The following CSMD3 variants were observed in gnomAD, a reference collection of about 807,000 sequenced individuals.
The protein encoded by CSMD3 is CUB and sushi domain-containing protein 3.
Under a neutral mutation model 435.2 loss-of-function variants are expected in CSMD3, and 177 were observed. The observed-to-expected ratio is 0.41, with a 90% confidence interval of 0.36 to 0.46. CSMD3 has a LOEUF of 0.46. CSMD3 is among the 20% of genes least tolerant of loss of function. CSMD3 has a pLI of 0.34. For synonymous variants in CSMD3, 1,656 were observed against 1,520.5 expected, an observed-to-expected ratio of 1.09 and a Z score of -2.07; for missense variants, 4,265 against 4,504.6, an observed-to-expected ratio of 0.95 and a Z score of 1.52.
At chr8:113,231,393 G>A (rs2132188604) in intron 3 of CSMD3, among the ~76,000 whole-genome samples, 1 of 151,262 alleles carries the variant, frequency 6.6e-6, no homozygotes, top group South Asian at 2.1e-4. Flanking sequence ...AATAATATAG[G>A]CATAAAGTGC....
At position 112,265,440 on chromosome 8, in the gene CSMD3, G is replaced by A. The variant is rs2130410379; in HGVS notation, c.9659C>T (p.Thr3220Ile). The change falls in exon 60 of 71, where the codon ACA (threonine) becomes ATA (isoleucine). Residue 3220 changes from threonine (T) to isoleucine (I), a missense_variant. By Grantham distance (89) the Thr-to-Ile change is moderately conservative. Around this residue, in one of 3 missense-constraint regions of CSMD3, gnomAD observed 3,255 missense variants for 3,380.2 expected, o/e 0.96. Transcript: ENST00000297405. ...SRIRTCTING[T>I]WSGVMPTCRA... ...ACAAGTTGGCATTACTCCACTCCAT[G>A]TGCCATTAATTGTACAAGTCCTGAT... The A allele has an allele frequency of 1.2e-6, 2 of 1,613,598 alleles. No individual in the cohort carries two copies. The highest frequency in any genetic ancestry group is 1.7e-6 in the Non-Finnish European group (2 of 1,179,586).
chr8:112,554,386 A>T (rs1827940224), intron 25 of CSMD3, among the ~76,000 whole-genome samples: 1 of 152,020 alleles, frequency 6.6e-6, no homozygotes, highest in Non-Finnish European at 1.5e-5. Context: ...ATTAGTATTT[A>T]AGATGTTATC....
intron 1 of CSMD3, among the ~76,000 whole-genome samples, chr8:113,391,720 G>A (rs186621158): frequency 6.6e-6 from 1 of 152,054 alleles, no homozygotes; most frequent in East Asian, 1.9e-4. Context: ...GACAGAACTG[G>A]ATGTGGAGTT....
intron 7 of CSMD3, among the ~76,000 whole-genome samples, chr8:112,975,208 C>G (rs1029424885): frequency 6.6e-6 from 1 of 151,930 alleles, no homozygotes; most frequent in Admixed American, 6.6e-5. Context: ...ATAAATTAGA[C>G]ATTTAAAGAA....
chr8:112,534,958 A>G (rs2131096253), intron 27 of CSMD3, among the ~76,000 whole-genome samples: 1 of 152,306 alleles, frequency 6.6e-6, no homozygotes, highest in South Asian at 2.1e-4. Context: ...GATGCAGAAA[A>G]GGCCTTTGAC....
intron 11 of CSMD3, among the ~76,000 whole-genome samples, chr8:112,836,943 C>T (rs2080043130): frequency 6.6e-6 from 1 of 151,824 alleles, no homozygotes; most frequent in Admixed American, 6.6e-5. Flanking sequence ...ATAGTAATTA[C>T]ATGCTTAAAC....
Position 112,679,784 on chromosome 8 carries a change from G to T in CSMD3, c.2677+2658C>A, listed in dbSNP as rs534084457. On this transcript the variant is annotated intron_variant, in intron 16 of 70. Coordinates refer to ENST00000297405, the MANE Select transcript of CSMD3 (RefSeq NM_198123.2). Reference sequence around the variant, plus strand: ...ACAAAATTCAAACTTACCTAGAAGTGGTCTCTGTATGTGTCGACTGAGATT... The same window carrying T: ...ACAAAATTCAAACTTACCTAGAAGTTGTCTCTGTATGTGTCGACTGAGATT... 8.0e-4 allele frequency among the ~76,000 whole-genome samples: 122 copies of T among 152,262 alleles called. 1 individual carries two copies. Among genetic ancestry groups the T allele is most frequent in the Non-Finnish European group, 9.0e-4 (61 of 68,030 alleles).
At chr8:112,551,049 T>G (rs1156275618) in intron 26 of CSMD3, among the ~76,000 whole-genome samples, 176 bp from the exon 27 acceptor site, 1 of 152,042 alleles carries the variant, frequency 6.6e-6, no homozygotes, top group African/African-American at 2.4e-5. Context: ...ATATAATTTG[T>G]TTTTTTAGAA....
intron 53 of CSMD3, among the ~76,000 whole-genome samples, chr8:112,300,266 GTATAAATA>G (rs938236330): frequency 6.3e-5 from 9 of 141,834 alleles, no homozygotes; most frequent in African/African-American, 2.5e-4. Flanking sequence ...ACTTGAGTAT[GTATAAATA>G]TATATTTCTA....
At chr8:112,572,648 G>T (rs535009157) in intron 24 of CSMD3, among the ~76,000 whole-genome samples, 82 of 152,104 alleles carry the variant, frequency 5.4e-4, no homozygotes, top group African/African-American at 1.9e-3. Flanking sequence ...TCTGAGTATT[G>T]CTACTTATTT....
intron 6 of CSMD3, among the ~76,000 whole-genome samples, chr8:113,011,631 C>T (rs1587881818): frequency 6.6e-6 from 1 of 151,430 alleles, no homozygotes; most frequent in South Asian, 2.1e-4. Flanking sequence ...ATAAACTTTC[C>T]CAGTATTATT....
intron 64 of CSMD3, among the ~76,000 whole-genome samples, 189 bp from the exon 65 acceptor site, chr8:112,244,762 C>T (rs996526827): frequency 1.3e-5 from 2 of 151,972 alleles, no homozygotes; most frequent in African/African-American, 4.8e-5. Context: ...TTTAGCATTT[C>T]CTAATCCACC....
At chr8:113,122,530 A>C (rs542411523) in intron 4 of CSMD3, among the ~76,000 whole-genome samples, 2 of 152,298 alleles carry the variant, frequency 1.3e-5, no homozygotes, top group East Asian at 3.9e-4. Flanking sequence ...GAGATCACCC[A>C]GGAATATTTC....
intron 13 of CSMD3, among the ~76,000 whole-genome samples, chr8:112,706,402 A>AG (rs2076499559): frequency 6.6e-6 from 1 of 152,128 alleles, no homozygotes; most frequent in Non-Finnish European, 1.5e-5. Flanking sequence ...GGGAATATGG[A>AG]GAAAAAAAAT....
At chr8:112,839,849 T>G (rs2080130376) in intron 11 of CSMD3, among the ~76,000 whole-genome samples, 1 of 151,762 alleles carries the variant, frequency 6.6e-6, no homozygotes, top group Admixed American at 6.6e-5. Flanking sequence ...ATTTATATAC[T>G]TTCATATATA....
At chr8:113,248,926 T>C (rs963194484) in intron 3 of CSMD3, among the ~76,000 whole-genome samples, 1 of 152,022 alleles carries the variant, frequency 6.6e-6, no homozygotes, top group Non-Finnish European at 1.5e-5. Flanking sequence ...AAAAATGTTA[T>C]TCATATGATA....
chr8:112,680,644 A>T (rs1207321293), intron 16 of CSMD3, among the ~76,000 whole-genome samples: 3 of 152,164 alleles, frequency 2.0e-5, no homozygotes, highest in Admixed American at 6.5e-5. Flanking sequence ...CACTAAAGTC[A>T]TCTAGTTCTG....
chr8:112,517,147 T>G lies in CSMD3; in HGVS notation c.4643A>C (p.Asp1548Ala), dbSNP rs1336441050. 6.2e-7 allele frequency: 1 copy of G among 1,613,532 alleles called. No homozygotes were observed. Among genetic ancestry groups the G allele is most frequent in the Non-Finnish European group, 8.5e-7 (1 of 1,179,644 alleles). ...TRNGDGREPG[D>A]TVVFQCDPGY... is the part of the protein sequence containing the mutation. ...TGGGTCACATTGAAAAACAACAGTG[T>G]CCCCAGGTTCTCTTCCATCCCCATT... Residue 1548 changes from aspartate (D) to alanine (A), a missense_variant, in exon 28 of 71, where the codon GAC (aspartate) becomes GCC (alanine). By Grantham distance (126) the Asp-to-Ala change is moderately radical. Coordinates refer to ENST00000297405, the MANE Select transcript of CSMD3 (RefSeq NM_198123.2).
chr8:113,070,993 CTTT>C (rs2131403540), intron 5 of CSMD3, among the ~76,000 whole-genome samples: 1 of 151,962 alleles, frequency 6.6e-6, no homozygotes, highest in South Asian at 2.1e-4. Context: ...ATCTTTTGTC[CTTT>C]ATCTAATAGC....
Sources: allele counts gnomAD v4.1 joint callset (sites outside exome capture counted in the v4.1 genomes callset), GRCh38; gene constraint gnomAD v4.1.1; regional missense constraint gnomAD v4.1.1; transcripts MANE v1.5; gene names NCBI Gene and HGNC (gene_info 2026-07-23, HGNC 2026-07-21).